DBH: variants seen among roughly 807,000 people sequenced by gnomAD.
DBH encodes dopamine beta-hydroxylase (dopamine beta-monooxygenase).
DBH carries 49 observed loss-of-function variants against 64.0 expected under a neutral mutation model. The ratio of observed to expected loss-of-function variants is 0.77; its 90% CI spans 0.61 to 0.97. The LOEUF (loss-of-function observed/expected upper bound fraction) is 0.97. Ranked by LOEUF, DBH falls within the 50% of genes least tolerant of loss-of-function variation. The pLI is 0.00. For synonymous variants in DBH, 343 were observed against 347.1 expected (o/e 0.99, Z 0.13); for missense variants, 828 against 826.6 (o/e 1.00, Z -0.02).
At position 133,656,585 on chromosome 9, in the gene DBH, G is replaced by C. The variant is rs1832322992; in HGVS notation, c.1497G>C (p.Gln499His). ...VNYVHYYPQTQLELCKSAVDA... is the reference protein window; with the variant it reads ...VNYVHYYPQTHLELCKSAVDA... Reference sequence around the variant, plus strand: ...ACGTGCACTACTACCCCCAGACGCAGCTGGAGCTCTGCAAGAGCGCTGTGG... The same window carrying C: ...ACGTGCACTACTACCCCCAGACGCACCTGGAGCTCTGCAAGAGCGCTGTGG... The change falls in exon 10 of 12, where the codon CAG becomes CAC. Residue 499 changes from glutamine to histidine, a missense_variant. Gln to His is a conservative substitution (Grantham distance 24). Transcript: ENST00000393056. 1 of 1,613,720 alleles carries C rather than the reference G, an allele frequency of 6.2e-7. No individual in the cohort carries two copies. Among genetic ancestry groups the C allele is most frequent in the South Asian group, 1.1e-5 (1 of 91,084 alleles).
chr9:133,647,163 G>A (rs1374504862), intron 5 of DBH, among the ~76,000 whole-genome samples: 2 of 152,208 alleles, frequency 1.3e-5, no homozygotes, highest in African/African-American at 2.4e-5. Context: ...TTCCTGAGAT[G>A]TCAGCTTGGT....
rs766901371 is a variant in DBH at position 133,644,305 on chromosome 9, C to T, written c.1009C>T (p.Pro337Ser). The T allele has an allele frequency of 1.7e-5, 27 of 1,613,958 alleles. No homozygotes were observed. Among genetic ancestry groups the T allele is most frequent in the Non-Finnish European group, 1.9e-5 (22 of 1,179,818 alleles). ...YLRLEVHYHNPLVIEGRNDSS... is the reference protein window; with the variant it reads ...YLRLEVHYHNSLVIEGRNDSS... ...CCGCCTGGAAGTTCACTACCACAAC[C>T]CACTGGTGATAGAAGGTAGGCGGCT... is the stretch of plus-strand genomic sequence containing the variant. The change falls in exon 5 of 12, where the codon CCA becomes TCA. Residue 337 changes from proline (P) to serine (S), a missense_variant. Pro to Ser is a moderately conservative substitution (Grantham distance 74). Transcript: ENST00000393056.
chr9:133,648,248 C>T (rs1004776697), intron 6 of DBH, among the ~76,000 whole-genome samples: 1 of 152,232 alleles, frequency 6.6e-6, no homozygotes, highest in African/African-American at 2.4e-5. Context: ...TAGTCCACAC[C>T]CACGTGCCAG....
At chr9:133,638,515 G>A (rs988055213) in intron 1 of DBH, among the ~76,000 whole-genome samples, 9 of 152,182 alleles carry the variant, frequency 5.9e-5, no homozygotes, top group Non-Finnish European at 1.0e-4. Flanking sequence ...AAGCAGCTTC[G>A]TTTGGACAAT....
chr9:133,636,482 G>A lies in DBH; in HGVS notation c.111G>A (p.Leu37=), dbSNP rs1393448260. The A allele has an allele frequency of 6.2e-7, 1 of 1,613,106 alleles. No homozygotes were observed. The highest frequency in any genetic ancestry group is 1.3e-5 in the African/African-American group (1 of 74,932). Residue 37 remains leucine, a synonymous_variant, in exon 1 of 12, where the codon CTG becomes CTA. Transcript: ENST00000393056. Reference sequence around the variant, plus strand: ...TCCTGGTCATCCTGGTGGCCGCACTGCAGGGCTCGGCTCCCCGTGAGAGCC... The same window carrying A: ...TCCTGGTCATCCTGGTGGCCGCACTACAGGGCTCGGCTCCCCGTGAGAGCC... ...AIFLVILVAA[L]QGSAPRESPL... is the part of the protein sequence containing the mutation.
rs372772330 is a variant in DBH, at chr9:133,647,876, A to G, written c.1055A>G (p.Tyr352Cys). ...GRNDSSGIRL[Y>C]YTAKLRRFNA... ...AACGACTCCTCAGGCATCCGCTTGT[A>G]CTACACAGCCAAGCTGCGGCGCTTC... Residue 352 changes from tyrosine (Y) to cysteine (C), a missense_variant, in exon 6 of 12, where the codon TAC (tyrosine) becomes TGC (cysteine). Coordinates refer to ENST00000393056, the MANE Select transcript of DBH (RefSeq NM_000787.4). 16 of 1,614,186 alleles carry G rather than the reference A, an allele frequency of 9.9e-6. No homozygotes were observed. In the African/African-American group the frequency reaches 2.0e-4, roughly 20 times the overall value.
At chr9:133,657,410 AG>A in intron 11 of DBH, 181 bp downstream of exon 11, 1 of 25,522 alleles carries the variant, frequency 3.9e-5, no homozygotes. Context: ...GAGAGAGAGG[AG>A]AGAGGAGAGA....
rs550018308 is a variant in DBH, at chr9:133,641,801, T to C, written c.487-406T>C. 4.6e-5 allele frequency among the ~76,000 whole-genome samples: 7 copies of C among 152,168 alleles called. No homozygotes were observed. In the South Asian group the frequency reaches 1.4e-3, roughly 31 times the overall value. On this transcript the variant is annotated intron_variant, in intron 2 of 11. Transcript: ENST00000393056. ...GCCCCAGGGTGTTTCCTTCCCTTCA[T>C]AGAGGGCACTGAATCCTCAGGCTGG...
At chr9:133,655,699 G>C (rs533125171) in intron 9 of DBH, 2 of 152,376 alleles carry the variant, frequency 1.3e-5, no homozygotes, top group Non-Finnish European at 2.9e-5. Flanking sequence ...CACAAACAGC[G>C]GGGAGCCTGG....
intron 8 of DBH, 130 bp downstream of exon 8, chr9:133,652,414 G>A: frequency 8.7e-7 from 1 of 1,150,192 alleles, no homozygotes; most frequent in Non-Finnish European, 1.3e-6. Flanking sequence ...CAGGGCAGGG[G>A]GAGGGTGCCT....
At chr9:133,650,481 T>TTTTC (rs1554735571) in intron 6 of DBH, among the ~76,000 whole-genome samples, 15 of 134,518 alleles carry the variant, frequency 1.1e-4, no homozygotes, top group South Asian at 4.7e-4. Flanking sequence ...TTTCTTTTTC[T>TTTTC]TTTTCTTTCT....
At chr9:133,657,306 TGCACTCCAAACTGCTGGCAAAA>T in intron 11 of DBH, 77 bp downstream of exon 11, 2 of 1,570,364 alleles carry the variant, frequency 1.3e-6, no homozygotes, top group Non-Finnish European at 1.7e-6. Context: ...GTGATGGGTC[TGCACTCCAAACTGCTGGCAAAA>T]GCACTCGCAC....
Position 133,647,826 on chromosome 9 carries a change from T to G in DBH, c.1025-20T>G, listed in dbSNP as rs755519703. The G allele has an allele frequency of 3.2e-5, 51 of 1,613,986 alleles. No homozygotes were observed. The highest frequency in any genetic ancestry group is 3.3e-4 in the Middle Eastern group (2 of 6,084). On this transcript the variant is annotated intron_variant, in intron 5 of 11. Transcript: ENST00000393056. ...GGCCTCCACTTACCGCTCACCTCCA[T>G]CCATCCCACCTTCTCCCAGGACGAA...
At chr9:133,646,649 G>T (rs1278431260) in intron 5 of DBH, among the ~76,000 whole-genome samples, 2 of 144,768 alleles carry the variant, frequency 1.4e-5, no homozygotes, top group African/African-American at 2.7e-5. Flanking sequence ...TCAGCCTCCT[G>T]AGTAGCTGGG....
rs886644594 is a variant in DBH, at chr9:133,658,701, G to A, written c.*254G>A. ...ACCACGACCTCGTCCATTTAAACCC[G>A]GCTGACTCAGTGCAGGGACAGCCTG... On this transcript the variant is annotated 3_prime_UTR_variant, in exon 12 of 12. Coordinates refer to ENST00000393056, the MANE Select transcript of DBH (RefSeq NM_000787.4). The A allele has an allele frequency of 1.3e-5, 5 of 385,936 alleles. No homozygotes were observed. Among genetic ancestry groups the A allele is most frequent in the Admixed American group, 4.5e-5 (1 of 22,436 alleles). 23.9% of individuals were successfully genotyped at this position (385,936 alleles called of 1,614,324 possible). A position where few individuals can be genotyped will look rare whatever the true frequency, so the allele number is the denominator to read the frequency against.
rs1460814496 is a variant in DBH at position 133,657,182 on chromosome 9, G to A, written c.1675G>A (p.Ala559Thr). ...RDVLKALYSF[A>T]PISMHCNKSS... ...CGTACTGAAGGCCCTGTACAGCTTC[G>A]CGCCCATCTCCATGCACTGCAACAA... The change falls in exon 11 of 12, where the codon GCG (alanine) becomes ACG (threonine). Residue 559 changes from alanine (A) to threonine (T), a missense_variant. Transcript: ENST00000393056. The A allele has an allele frequency of 5.0e-6, 8 of 1,614,114 alleles. No homozygotes were observed. The East Asian group carries it at 6.7e-5, about 13-fold the overall frequency.
At chr9:133,655,974 T>C (rs1832311948) in intron 9 of DBH, 1 of 160,918 alleles carries the variant, frequency 6.2e-6, no homozygotes, top group African/African-American at 2.4e-5. Flanking sequence ...GGCTGGAGGT[T>C]GTCGCGGCCT....
chr9:133,647,292 C>T (rs3025409), intron 5 of DBH, among the ~76,000 whole-genome samples: 58 of 152,202 alleles, frequency 3.8e-4, no homozygotes, highest in Non-Finnish European at 7.8e-4. Context: ...CTCACACTTG[C>T]CCAGCTTTGA....
intron 5 of DBH, among the ~76,000 whole-genome samples, chr9:133,646,828 T>C (rs1416067945): frequency 6.6e-6 from 1 of 152,174 alleles, no homozygotes; most frequent in Non-Finnish European, 1.5e-5. Flanking sequence ...CCCGGCCCCC[T>C]GGACCTCTGA....
Sources: allele counts gnomAD v4.1 joint callset (sites outside exome capture counted in the v4.1 genomes callset), GRCh38; gene constraint gnomAD v4.1.1; transcripts MANE v1.5; gene names NCBI Gene and HGNC (gene_info 2026-07-23, HGNC 2026-07-21).